CENPK: variants seen among roughly 807,000 people sequenced by gnomAD.
CENPK encodes the protein centromere protein K.
Under a neutral mutation model 40.9 loss-of-function variants are expected in CENPK, and 46 were observed. That is an observed-to-expected ratio of 1.13 (90% confidence interval 0.89 to 1.44). The LOEUF (loss-of-function observed/expected upper bound fraction) is 1.44, where lower values mean the gene tolerates loss of function less well. Among genes scored for constraint, CENPK ranks in the 40% most tolerant of loss-of-function variants. The probability of loss-of-function intolerance (pLI) is 0.00; values close to 1 mark genes in which losing one functional copy is unlikely to be tolerated. For synonymous variants in CENPK, 107 were observed against 104.4 expected, an observed-to-expected ratio of 1.02 and a Z score of -0.15; for missense variants, 288 against 303.5, an observed-to-expected ratio of 0.95 and a Z score of 0.38.
intron 5 of CENPK, among the ~76,000 whole-genome samples, chr5:65,545,480 AAAC>A (rs1315472865): frequency 6.6e-6 from 1 of 152,106 alleles, no homozygotes; most frequent in Non-Finnish European, 1.5e-5. Flanking sequence ...TGCTAAAAGA[AAAC>A]AACCCTGAAT....
intron 6 of CENPK, among the ~76,000 whole-genome samples, chr5:65,534,050 CAAAAAAAAA>C (rs60018569): frequency 1.1e-5 from 1 of 90,988 alleles, no homozygotes; most frequent in Non-Finnish European, 2.0e-5. Flanking sequence ...ACCGTCTCAA[CAAAAAAAAA>C]AAAAAAAAAA....
the CENPK span, among the ~76,000 whole-genome samples, chr5:65,503,478 A>G: frequency 3.3e-5 from 5 of 152,040 alleles, no homozygotes; most frequent in South Asian, 1.0e-3. Flanking sequence ...TTGAGATGTG[A>G]ATTCTTTGTT....
chr5:65,543,114 C>A (rs562659526), intron 5 of CENPK, among the ~76,000 whole-genome samples: 2 of 152,274 alleles, frequency 1.3e-5, no homozygotes, highest in African/African-American at 4.8e-5. Context: ...CAGGCATCCA[C>A]CAACATGCCT....
intron 4 of CENPK, among the ~76,000 whole-genome samples, chr5:65,552,270 A>T (rs1043132615): frequency 6.6e-6 from 1 of 152,242 alleles, no homozygotes; most frequent in Non-Finnish European, 1.5e-5. Context: ...AAGACAAATA[A>T]TAAAGAAAAT....
chr5:65,540,367 G>T (rs1747752740), intron 6 of CENPK, among the ~76,000 whole-genome samples: 1 of 152,162 alleles, frequency 6.6e-6, no homozygotes, highest in Admixed American at 6.5e-5. Flanking sequence ...TAATAAGAAT[G>T]ATATTTACTC....
intron 6 of CENPK, among the ~76,000 whole-genome samples, chr5:65,539,455 G>A (rs1446937073): frequency 6.6e-6 from 1 of 152,186 alleles, no homozygotes; most frequent in Non-Finnish European, 1.5e-5. Flanking sequence ...CCAAAAGAAC[G>A]AAATAGGAAA....
the CENPK span, among the ~76,000 whole-genome samples, chr5:65,501,661 G>A: frequency 6.6e-6 from 1 of 152,198 alleles, no homozygotes; most frequent in Non-Finnish European, 1.5e-5. Flanking sequence ...ATGGGGCACA[G>A]TCTCATCACT....
chr5:65,546,729 G>A (rs555266633), intron 5 of CENPK, among the ~76,000 whole-genome samples: 1 of 152,336 alleles, frequency 6.6e-6, no homozygotes, highest in South Asian at 2.1e-4. Flanking sequence ...ACAGAAGGAA[G>A]ACCATGTGAA....
chr5:65,518,530 G>A lies in CENPK; in HGVS notation c.755C>T (p.Ala252Val). ...YVELLLRNGI[A>V]LRHPEDPTRI... is the part of the protein sequence containing the mutation. ...GGTTGGATCTTCTGGATGTCTCAAG[G>A]CAATTCCATTACGCAGCAGCAGCTC... Residue 252 changes from alanine (A) to valine (V), a missense_variant, in exon 11 of 11, where the codon GCC becomes GTC. By Grantham distance (64) the Ala-to-Val change is moderately conservative. Coordinates refer to ENST00000396679, the MANE Select transcript of CENPK (RefSeq NM_022145.5). 6.2e-7 allele frequency: 1 copy of A among 1,613,390 alleles called. No homozygotes were observed. The highest frequency in any genetic ancestry group is 1.7e-5 in the Admixed American group (1 of 59,826).
chr5:65,554,606 A>AT (rs1750682053), intron 3 of CENPK, among the ~76,000 whole-genome samples, 191 bp downstream of exon 3: 1 of 152,026 alleles, frequency 6.6e-6, no homozygotes, highest in Non-Finnish European at 1.5e-5. Context: ...GATTGTCAAA[A>AT]TTTTTCTTTC....
chr5:65,515,473 G>A (rs1027652679), downstream of CENPK, among the ~76,000 whole-genome samples: 1 of 152,022 alleles, frequency 6.6e-6, no homozygotes, highest in African/African-American at 2.4e-5. Context: ...CAAGTGCTGG[G>A]ATTACAGGCA....
At chr5:65,514,368 G>A (rs1209849033), downstream of CENPK, among the ~76,000 whole-genome samples, 1 of 149,288 alleles carries the variant, frequency 6.7e-6, no homozygotes, top group Non-Finnish European at 1.5e-5. Context: ...GGGTTCAAGT[G>A]ATTCTTTTGC....
At chr5:65,517,184 C>A (rs1742920138), downstream of CENPK, among the ~76,000 whole-genome samples, 1 of 152,188 alleles carries the variant, frequency 6.6e-6, no homozygotes, top group Admixed American at 6.5e-5. Flanking sequence ...CTCAAGTGAT[C>A]CGCCCACCTC....
rs1370635966 is a variant in CENPK, at chr5:65,528,434, G to A, written c.597+18C>T. The A allele has an allele frequency of 6.4e-7, 1 of 1,570,286 alleles. No individual in the cohort carries two copies. The highest frequency in any genetic ancestry group is 2.3e-5 in the East Asian group (1 of 44,230). ...TTCAAATATGATAATTTACATAAATGTCTTCTCTAAAACTTACCTTTTTCT... is the reference window on the plus strand; with the variant it reads ...TTCAAATATGATAATTTACATAAATATCTTCTCTAAAACTTACCTTTTTCT... On this transcript the variant is annotated intron_variant, in intron 9 of 10. Coordinates refer to ENST00000396679, the MANE Select transcript of CENPK (RefSeq NM_022145.5).
chr5:65,557,264 T>C (rs1207330270), intron 2 of CENPK, among the ~76,000 whole-genome samples: 5 of 152,184 alleles, frequency 3.3e-5, no homozygotes, highest in African/African-American at 7.2e-5. Context: ...TTTAGTAATA[T>C]AGAGGAGCAA....
downstream of CENPK, among the ~76,000 whole-genome samples, chr5:65,516,436 G>A (rs528233561): frequency 1.8e-4 from 28 of 152,090 alleles, no homozygotes; most frequent in South Asian, 2.1e-4. Context: ...AAACAGATAC[G>A]AACAATCCAC....
chr5:65,548,458 C>T (rs745869820), intron 5 of CENPK, among the ~76,000 whole-genome samples: 1 of 151,930 alleles, frequency 6.6e-6, no homozygotes, highest in Middle Eastern at 3.4e-3. Context: ...GTTGGGGTGG[C>T]TGTGGCCGTT....
chr5:65,533,018 TTC>T (rs1746159831), intron 6 of CENPK, among the ~76,000 whole-genome samples: 2 of 150,678 alleles, frequency 1.3e-5, no homozygotes, highest in East Asian at 3.9e-4. Flanking sequence ...CCTCAATAAA[TTC>T]AGGAAGAGTA....
chr5:65,559,974 G>A (rs1000320716), intron 2 of CENPK, among the ~76,000 whole-genome samples: 17 of 150,406 alleles, frequency 1.1e-4, no homozygotes, highest in African/African-American at 3.7e-4. Context: ...TAGTATTTGC[G>A]GAGAAAAAAA....
Sources: allele counts gnomAD v4.1 joint callset (sites outside exome capture counted in the v4.1 genomes callset), GRCh38; gene constraint gnomAD v4.1.1; transcripts MANE v1.5; gene names NCBI Gene and HGNC (gene_info 2026-07-23, HGNC 2026-07-21).